The following SHANK2 variants were observed in gnomAD, a reference collection of about 807,000 sequenced individuals.
SHANK2 encodes the protein SH3 and multiple ankyrin repeat domains protein 2.
SHANK2 carries 43 observed loss-of-function variants against 133.7 expected under a neutral mutation model. The ratio of observed to expected loss-of-function variants is 0.32; its 90% CI spans 0.25 to 0.41. The LOEUF is 0.41. SHANK2 is among the 10% of genes least tolerant of loss of function. The probability of loss-of-function intolerance (pLI) is 1.00; values close to 1 mark genes in which losing one functional copy is unlikely to be tolerated. For synonymous variants in SHANK2, 1,017 were observed against 952.8 expected (o/e 1.07, Z -1.24); for missense variants, 1,994 against 2,235.8 (o/e 0.89, Z 2.18).
intron 14 of SHANK2, among the ~76,000 whole-genome samples, chr11:70,720,452 C>T (rs567812690): frequency 2.0e-5 from 3 of 152,098 alleles, no homozygotes; most frequent in African/African-American, 7.2e-5. Context: ...GTGACTCCTT[C>T]GTTGGTGAAA....
chr11:70,569,970 G>C lies in SHANK2; in HGVS notation c.2062-67039C>G, dbSNP rs1349450018. Among the ~76,000 whole-genome samples, 1 of 151,814 alleles carries C rather than the reference G, an allele frequency of 6.6e-6. No homozygotes were observed. Among genetic ancestry groups the C allele is most frequent in the African/African-American group, 2.4e-5 (1 of 41,354 alleles). The stretch of plus-strand genomic sequence containing the variant: ...GAGAGAGAGAAGGGAGTGAGAGACA[G>C]AGACAGGCCCCCAGCACCATTGTGG... On this transcript the variant is annotated intron_variant, in intron 17 of 25. Coordinates refer to ENST00000601538, the MANE Select transcript of SHANK2 (RefSeq NM_012309.5). This position sits in a 1 kb window ranked among gnomAD's most constrained non-coding sequence, Gnocchi z 5.1.
intron 17 of SHANK2, among the ~76,000 whole-genome samples, chr11:70,606,419 C>T (rs2060577383): frequency 7.0e-6 from 1 of 143,086 alleles, no homozygotes; most frequent in South Asian, 2.2e-4. Context: ...GGTGTGGTGG[C>T]ACATGCCATC....
intron 2 of SHANK2, among the ~76,000 whole-genome samples, chr11:71,166,376 C>T (rs1953148598): frequency 1.3e-5 from 2 of 152,126 alleles, no homozygotes; most frequent in South Asian, 4.1e-4. Flanking sequence ...TACTTCTTTC[C>T]AGACAGCAAG....
At chr11:71,137,843 C>G (rs1555105076) in intron 3 of SHANK2, among the ~76,000 whole-genome samples, 1 of 152,226 alleles carries the variant, frequency 6.6e-6, no homozygotes, top group Non-Finnish European at 1.5e-5. Context: ...TAGAAGACAC[C>G]CAGCTCTCAC....
intron 3 of SHANK2, among the ~76,000 whole-genome samples, chr11:71,143,071 T>C (rs1460972444): frequency 6.6e-6 from 1 of 152,076 alleles, no homozygotes; most frequent in Non-Finnish European, 1.5e-5. Context: ...CCGTCTCTAC[T>C]AAAAATACAA....
intron 17 of SHANK2, among the ~76,000 whole-genome samples, chr11:70,583,908 C>T (rs181022409): frequency 3.1e-4 from 47 of 152,318 alleles, no homozygotes; most frequent in Non-Finnish European, 5.3e-4. Flanking sequence ...CCAGCCATGC[C>T]TCCCCTCTCT....
At chr11:71,216,196 A>G (rs1356061625) in intron 2 of SHANK2, among the ~76,000 whole-genome samples, 6 of 152,234 alleles carry the variant, frequency 3.9e-5, no homozygotes, top group Admixed American at 1.3e-4. Context: ...TAAAAGCCAA[A>G]AAGTGGGAAC....
At chr11:70,854,460 G>A (rs1949137284) in intron 11 of SHANK2, among the ~76,000 whole-genome samples, 1 of 152,194 alleles carries the variant, frequency 6.6e-6, no homozygotes, top group Non-Finnish European at 1.5e-5. Context: ...GAAGTGAGCA[G>A]GTGCCTCAGA....
intron 15 of SHANK2, among the ~76,000 whole-genome samples, chr11:70,678,137 T>A (rs1555017641): frequency 6.6e-6 from 1 of 152,192 alleles, no homozygotes; most frequent in African/African-American, 2.4e-5. Flanking sequence ...TTCTTGTTCT[T>A]TTGTTGTGTT....
At chr11:70,924,181 C>T (rs890426376) in intron 10 of SHANK2, among the ~76,000 whole-genome samples, 3 of 152,166 alleles carry the variant, frequency 2.0e-5, no homozygotes, top group South Asian at 2.1e-4. Flanking sequence ...CACCCTGCAC[C>T]GTTACCAGAG....
intron 14 of SHANK2, among the ~76,000 whole-genome samples, chr11:70,768,324 AT>A (rs1947171113): frequency 6.6e-6 from 1 of 152,206 alleles, no homozygotes; most frequent in African/African-American, 2.4e-5. Flanking sequence ...GACAGGGAGG[AT>A]AAAGTCCCCA....
At chr11:70,594,789 T>C (rs2060374974) in intron 17 of SHANK2, among the ~76,000 whole-genome samples, 1 of 152,170 alleles carries the variant, frequency 6.6e-6, no homozygotes, top group Non-Finnish European at 1.5e-5. Context: ...GCCCATCACC[T>C]AAGCAACAGT....
At chr11:70,774,312 G>A (rs782272061) in intron 14 of SHANK2, among the ~76,000 whole-genome samples, 34 of 151,406 alleles carry the variant, frequency 2.2e-4, no homozygotes, top group Admixed American at 1.1e-3. Context: ...AGGGGAAATC[G>A]GGGAGTGACT....
At position 70,807,051 on chromosome 11, in the gene SHANK2, T is replaced by G. The variant is rs894945567; in HGVS notation, c.1614A>C (p.Gln538His). 1 of 717,236 alleles carries G rather than the reference T, an allele frequency of 1.4e-6. No homozygotes were observed. The highest frequency in any genetic ancestry group is 1.7e-5 in the African/African-American group (1 of 57,148). The allele number at this position is 717,236 out of a possible 1,614,324, so 44.4% of individuals were successfully genotyped here. A position where few individuals can be genotyped will look rare whatever the true frequency, so the allele number is the denominator to read the frequency against. The change falls in exon 13 of 26, where the codon CAA becomes CAC. Residue 538 changes from glutamine (Q) to histidine (H), a missense_variant. Physicochemically the swap from Gln to His is conservative, Grantham distance 24. This residue lies in a region of SHANK2 where 653 missense variants were observed against 563.4 expected (regional missense o/e 1.16). Transcript: ENST00000601538. The surrounding 1 kb of genome is among the most constrained non-coding windows in gnomAD (Gnocchi z 4.8). ...GRLFVAVKPY[Q>H]PQVDGEIPLH... ...GGGGGATCTCGCCGTCCACTTGGGG[T>G]TGGTATGGCTTGACAGCGACGAAGA... is the stretch of plus-strand genomic sequence containing the variant.
intron 14 of SHANK2, among the ~76,000 whole-genome samples, chr11:70,790,035 A>G (rs1555047592): frequency 6.6e-6 from 1 of 152,258 alleles, no homozygotes; most frequent in Non-Finnish European, 1.5e-5. Flanking sequence ...ACACACGTGC[A>G]TTGCATTCAT....
chr11:70,646,898 T>TTG lies in SHANK2; in HGVS notation c.2061+12928_2061+12929dup. On this transcript the variant is annotated intron_variant, in intron 17 of 25. Coordinates refer to ENST00000601538, the MANE Select transcript of SHANK2 (RefSeq NM_012309.5). ...ATTTTTGAGACAGAGTATTGCTCTG[T>TTG]TGCCCAGGCTGGAGTGCAGTGGCAC... is the stretch of plus-strand genomic sequence containing the variant. Among the ~76,000 whole-genome samples the TTG allele has an allele frequency of 2.6e-5, 4 of 152,140 alleles. No homozygotes were observed. In the South Asian group the frequency reaches 8.3e-4, roughly 32 times the overall value.
At chr11:71,212,450 C>T (rs1555119002) in intron 2 of SHANK2, among the ~76,000 whole-genome samples, 1 of 152,216 alleles carries the variant, frequency 6.6e-6, no homozygotes, top group African/African-American at 2.4e-5. Flanking sequence ...ACTTAAAAGA[C>T]ATTCTGGGGA....
Position 70,586,168 on chromosome 11 carries a change from G to C in SHANK2, c.2061+73660C>G, listed in dbSNP as rs564003284. Among the ~76,000 whole-genome samples, 24 of 152,284 alleles carry C rather than the reference G, an allele frequency of 1.6e-4. No individual in the cohort carries two copies. In the South Asian group the frequency reaches 4.6e-3, roughly 29 times the overall value. On this transcript the variant is annotated intron_variant, in intron 17 of 25. Coordinates refer to ENST00000601538, the MANE Select transcript of SHANK2 (RefSeq NM_012309.5). Reference sequence around the variant, plus strand: ...GCTATTCTAATTAGGGGGAAGGTCAGGGAAGGCTTCTCTAGGATGTAACTG... The same window carrying C: ...GCTATTCTAATTAGGGGGAAGGTCACGGAAGGCTTCTCTAGGATGTAACTG...
chr11:70,477,838 C>A (rs2058683147), intron 25 of SHANK2, among the ~76,000 whole-genome samples: 1 of 152,054 alleles, frequency 6.6e-6, no homozygotes, highest in Non-Finnish European at 1.5e-5. Flanking sequence ...GCTTGACTCT[C>A]TTGGTTAATC....
Sources: allele counts gnomAD v4.1 joint callset (sites outside exome capture counted in the v4.1 genomes callset), GRCh38; gene constraint gnomAD v4.1.1; regional missense constraint gnomAD v4.1.1; non-coding constraint Gnocchi (gnomAD v3.1); transcripts MANE v1.5; gene names NCBI Gene and HGNC (gene_info 2026-07-23, HGNC 2026-07-21).